RFTN2: variants seen among roughly 807,000 people sequenced by gnomAD.
RFTN2 encodes raftlin-2.
RFTN2 carries 34 observed loss-of-function variants against 52.7 expected under a neutral mutation model. The ratio of observed to expected loss-of-function variants is 0.64; its 90% CI spans 0.49 to 0.86. The LOEUF is 0.86. Among genes scored for constraint, RFTN2 ranks in the 40% least tolerant of loss-of-function variants. The probability of loss-of-function intolerance (pLI) is 0.00; values close to 1 mark genes in which losing one functional copy is unlikely to be tolerated. For synonymous variants in RFTN2, 203 were observed against 217.7 expected (o/e 0.93, Z 0.59); for missense variants, 536 against 600.1 (o/e 0.89, Z 1.12).
In RFTN2 at chr2:197,607,853, C is replaced by T. The variant is rs539394114; in HGVS notation, c.1154+8023G>A. On this transcript the variant is annotated intron_variant, in intron 7 of 8. Transcript: ENST00000295049. ...TTTAGTTGTCCCAACTCCTCCTCAC[C>T]CCACAAAATGTTTAACATTTATGTT... Among the ~76,000 whole-genome samples the T allele has an allele frequency of 5.3e-5, 8 of 152,172 alleles. No individual in the cohort carries two copies. In the South Asian group the frequency reaches 1.7e-3, roughly 32 times the overall value.
At chr2:197,604,899 C>T (rs897713535) in intron 7 of RFTN2, among the ~76,000 whole-genome samples, 3 of 151,536 alleles carry the variant, frequency 2.0e-5, no homozygotes, top group Non-Finnish European at 4.4e-5. Context: ...TAGGTGTGAC[C>T]ACAGGCATGT....
At chr2:197,602,444 G>A (rs1311763412) in intron 7 of RFTN2, among the ~76,000 whole-genome samples, 2 of 152,130 alleles carry the variant, frequency 1.3e-5, no homozygotes, top group Non-Finnish European at 2.9e-5. Flanking sequence ...TTCAATATGT[G>A]CCCATAATTT....
chr2:197,648,244 G>A (rs1210988669), intron 1 of RFTN2, among the ~76,000 whole-genome samples: 6 of 152,148 alleles, frequency 3.9e-5, no homozygotes, highest in African/African-American at 7.2e-5. Flanking sequence ...GGGTATTCAC[G>A]CCAACTTCAA....
chr2:197,662,646 A>G (rs1420485846), intron 1 of RFTN2, among the ~76,000 whole-genome samples: 1 of 151,712 alleles, frequency 6.6e-6, no homozygotes, highest in Non-Finnish European at 1.5e-5. Flanking sequence ...TGAAAATGAC[A>G]CTGGTATTTT....
intron 8 of RFTN2, among the ~76,000 whole-genome samples, chr2:197,588,693 G>A (rs1348600087): frequency 6.6e-6 from 1 of 152,226 alleles, no homozygotes; most frequent in Non-Finnish European, 1.5e-5. Flanking sequence ...AAACACCCAA[G>A]ACAGGGACTG....
At chr2:197,619,908 A>G (rs2088232477) in intron 5 of RFTN2, among the ~76,000 whole-genome samples, 1 of 149,934 alleles carries the variant, frequency 6.7e-6, no homozygotes, top group Non-Finnish European at 1.5e-5. Flanking sequence ...ATCCAACTAT[A>G]CATATAAAAA....
chr2:197,581,486 C>A (rs2087509350), intron 8 of RFTN2, among the ~76,000 whole-genome samples: 1 of 152,182 alleles, frequency 6.6e-6, no homozygotes, highest in South Asian at 2.1e-4. Flanking sequence ...CAGGGACAGC[C>A]CTCATTACTT....
intron 5 of RFTN2, among the ~76,000 whole-genome samples, chr2:197,624,372 G>A (rs908836856): frequency 6.6e-6 from 1 of 151,770 alleles, no homozygotes; most frequent in Non-Finnish European, 1.5e-5. Flanking sequence ...GGCTGAGGTG[G>A]GCGGATCACA....
chr2:197,577,901 G>C (rs926656569), intron 8 of RFTN2, among the ~76,000 whole-genome samples: 1 of 152,162 alleles, frequency 6.6e-6, no homozygotes, highest in Non-Finnish European at 1.5e-5. Flanking sequence ...ATTTTTTATA[G>C]AGATGGGATT....
In RFTN2 at chr2:197,569,919, G is replaced by T. The variant is rs1350424006; in HGVS notation, c.*2089C>A. ...GATTGCAGCCTGGGTGACAGAGTGAGGCTCTGTCTCAAAAAAAAAAAAAAA... is the reference window on the plus strand; with the variant it reads ...GATTGCAGCCTGGGTGACAGAGTGATGCTCTGTCTCAAAAAAAAAAAAAAA... On this transcript the variant is annotated 3_prime_UTR_variant, in exon 9 of 9. Transcript: ENST00000295049. The T allele has an allele frequency of 1.5e-5, 2 of 133,980 alleles. No individual in the cohort carries two copies. The highest frequency in any genetic ancestry group is 6.0e-5 in the African/African-American group (2 of 33,532). 8.3% of individuals were successfully genotyped at this position (133,980 alleles called of 1,614,324 possible).
At chr2:197,572,322 G>A in intron 8 of RFTN2, 42 bp from the exon 9 acceptor site, 1 of 1,595,750 alleles carries the variant, frequency 6.3e-7, no homozygotes, top group Non-Finnish European at 8.6e-7. Flanking sequence ...TTAAAAAGAT[G>A]GGTGTTTCCT....
chr2:197,667,262 A>G (rs2089075221), intron 1 of RFTN2, among the ~76,000 whole-genome samples: 1 of 152,204 alleles, frequency 6.6e-6, no homozygotes, highest in African/African-American at 2.4e-5. Flanking sequence ...TTGGGATTAC[A>G]GACATGAGCC....
chr2:197,571,736 G>T lies in RFTN2; in HGVS notation c.*272C>A. ...CTACTTTGTACATTCATGAGAAGCT[G>T]AAATAGATTATTGTGTAATAACCGA... On this transcript the variant is annotated 3_prime_UTR_variant, in exon 9 of 9. Transcript: ENST00000295049. The T allele has an allele frequency of 2.3e-6, 1 of 433,520 alleles. No homozygotes were observed. Among genetic ancestry groups the T allele is most frequent in the East Asian group, 4.3e-5 (1 of 23,516 alleles). 26.9% of individuals were successfully genotyped at this position (433,520 alleles called of 1,614,324 possible). A position where few individuals can be genotyped will look rare whatever the true frequency, so the allele number is the denominator to read the frequency against.
At position 197,571,854 on chromosome 2, in the gene RFTN2, G is replaced by A. The variant is rs1574668733; in HGVS notation, c.*154C>T. 2 of 658,052 alleles carry A rather than the reference G, an allele frequency of 3.0e-6. No homozygotes were observed. The highest frequency in any genetic ancestry group is 5.4e-5 in the East Asian group (2 of 36,732). The allele number at this position is 658,052 out of a possible 1,614,324, so 40.8% of individuals were successfully genotyped here. A position where few individuals can be genotyped will look rare whatever the true frequency, so the allele number is the denominator to read the frequency against. On this transcript the variant is annotated 3_prime_UTR_variant, in exon 9 of 9. Transcript: ENST00000295049. The stretch of plus-strand genomic sequence containing the variant: ...ATGTTGGTTATTCTTCCTTGTCTGG[G>A]AGGTTGTGCCAAAGTTTACATAGAT...
At chr2:197,651,633 AAAC>A (rs2088829468) in intron 1 of RFTN2, among the ~76,000 whole-genome samples, 2 of 152,156 alleles carry the variant, frequency 1.3e-5, no homozygotes, top group Middle Eastern at 3.2e-3. Context: ...ACAAAAACAA[AAAC>A]AACAAAAAAA....
At chr2:197,615,086 T>G (rs772839830) in intron 7 of RFTN2, among the ~76,000 whole-genome samples, 3 of 152,244 alleles carry the variant, frequency 2.0e-5, no homozygotes, top group Non-Finnish European at 4.4e-5. Flanking sequence ...TGTGGGGTAC[T>G]GGGATACTGG....
intron 5 of RFTN2, among the ~76,000 whole-genome samples, chr2:197,630,253 C>G (rs868527130): frequency 6.6e-6 from 1 of 152,070 alleles, no homozygotes; most frequent in Admixed American, 6.6e-5. Context: ...ATAGGGAGAT[C>G]TTATTTGCTT....
At chr2:197,613,057 A>G (rs1171336708) in intron 7 of RFTN2, among the ~76,000 whole-genome samples, 3 of 152,246 alleles carry the variant, frequency 2.0e-5, no homozygotes, top group Non-Finnish European at 2.9e-5. Context: ...AGATATCTTA[A>G]TAATGTCATT....
intron 5 of RFTN2, among the ~76,000 whole-genome samples, chr2:197,618,601 G>A (rs2088192189): frequency 6.6e-6 from 1 of 151,598 alleles, no homozygotes; most frequent in Admixed American, 6.6e-5. Context: ...GGAAAGTGAG[G>A]AGTGTCTCTG....
Sources: gnomAD v4.1 joint callset for allele counts (sites outside exome capture counted in the v4.1 genomes callset) on GRCh38, gnomAD v4.1.1 for gene constraint, MANE v1.5 for transcripts, NCBI Gene and HGNC (gene_info 2026-07-23, HGNC 2026-07-21) for gene names.